Variants in TMEM132D observed in about 807,000 individuals in gnomAD.
TMEM132D encodes transmembrane protein 132D.
A neutral mutation model predicts 62.3 loss-of-function variants in TMEM132D; 21 were observed. The ratio of observed to expected loss-of-function variants is 0.34; its 90% CI spans 0.24 to 0.49. The LOEUF is 0.49. TMEM132D is among the 20% of genes least tolerant of loss of function. TMEM132D has a pLI of 0.99. For synonymous variants in TMEM132D, 621 were observed against 575.6 expected, an observed-to-expected ratio of 1.08 and a Z score of -1.13; for missense variants, 1,346 against 1,402.8, an observed-to-expected ratio of 0.96 and a Z score of 0.65.
intron 1 of TMEM132D, among the ~76,000 whole-genome samples, chr12:129,750,394 T>C (rs1869962534): frequency 6.6e-6 from 1 of 152,220 alleles, no homozygotes; most frequent in South Asian, 2.1e-4. Flanking sequence ...CAGATGCCCT[T>C]TATTATATGG....
chr12:129,158,986 C>G (rs1174096560), intron 5 of TMEM132D, among the ~76,000 whole-genome samples: 1 of 152,172 alleles, frequency 6.6e-6, no homozygotes, highest in Non-Finnish European at 1.5e-5. Context: ...TGCACTATCA[C>G]AAGAATGCAT....
At chr12:129,733,053 A>C (rs1565966068) in intron 1 of TMEM132D, among the ~76,000 whole-genome samples, 1 of 152,130 alleles carries the variant, frequency 6.6e-6, no homozygotes, top group East Asian at 1.9e-4. Flanking sequence ...TCTTGGTTTG[A>C]TGGGTCCTGA....
chr12:129,085,650 C>T (rs1231762783), intron 5 of TMEM132D: 1 of 137,816 alleles, frequency 7.3e-6, no homozygotes, highest in African/African-American at 2.5e-5. Flanking sequence ...GCACCACTGC[C>T]ATTCCCACAT....
chr12:129,800,650 C>G (rs773100020), intron 1 of TMEM132D, among the ~76,000 whole-genome samples: 8 of 152,142 alleles, frequency 5.3e-5, no homozygotes, highest in Non-Finnish European at 1.0e-4. Flanking sequence ...TGCTCCCAAA[C>G]GTCACTGCAG....
At chr12:129,441,569 T>C (rs1872937599) in intron 3 of TMEM132D, among the ~76,000 whole-genome samples, 1 of 152,038 alleles carries the variant, frequency 6.6e-6, no homozygotes, top group Non-Finnish European at 1.5e-5. Context: ...GAAGGAGAAA[T>C]AGCCTGACTT....
intron 3 of TMEM132D, among the ~76,000 whole-genome samples, chr12:129,481,434 GC>G (rs1448367571): frequency 8.9e-5 from 13 of 145,910 alleles, no homozygotes; most frequent in African/African-American, 3.1e-4. Context: ...CTGCACTCCA[GC>G]CCGGGTGACA....
At chr12:129,613,229 G>C (rs1036827826) in intron 2 of TMEM132D, among the ~76,000 whole-genome samples, 2 of 151,926 alleles carry the variant, frequency 1.3e-5, no homozygotes, top group Admixed American at 1.3e-4. Context: ...TTTTTTTTTA[G>C]AAAGCACCTG....
Position 129,081,953 on chromosome 12 carries a change from C to G in TMEM132D, c.1729G>C (p.Val577Leu), listed in dbSNP as rs770577561. 43 of 1,613,966 alleles carry G rather than the reference C, an allele frequency of 2.7e-5. No individual in the cohort carries two copies. The highest frequency in any genetic ancestry group is 3.5e-5 in the Non-Finnish European group (41 of 1,180,054). Residue 577 changes from valine (V) to leucine (L), a missense_variant, in exon 7 of 9, where the codon GTG becomes CTG. Coordinates refer to ENST00000422113, the MANE Select transcript of TMEM132D (RefSeq NM_133448.3). Reference protein sequence around the residue: ...GCTLQYQHAMVRVLTQFVAEA... With the variant: ...GCTLQYQHAMLRVLTQFVAEA... Reference sequence around the variant, plus strand: ...GCCACAAACTGCGTCAGGACCCGCACCATGGCGTGCTGGTACTGCAGGGTG... The same window carrying G: ...GCCACAAACTGCGTCAGGACCCGCAGCATGGCGTGCTGGTACTGCAGGGTG...
chr12:129,259,865 G>C (rs1041126534), intron 4 of TMEM132D, among the ~76,000 whole-genome samples: 2 of 152,184 alleles, frequency 1.3e-5, no homozygotes, highest in African/African-American at 2.4e-5. Flanking sequence ...AATTTGACTT[G>C]AGCAATGGGG....
chr12:129,604,441 G>T (rs565004631), intron 2 of TMEM132D, among the ~76,000 whole-genome samples: 1 of 152,222 alleles, frequency 6.6e-6, no homozygotes, highest in South Asian at 2.1e-4. Context: ...ATGAATAAAG[G>T]TGCTATAAAC....
intron 1 of TMEM132D, among the ~76,000 whole-genome samples, chr12:129,733,489 C>T (rs1869318659): frequency 6.6e-6 from 1 of 152,184 alleles, no homozygotes; most frequent in Admixed American, 6.5e-5. Flanking sequence ...AGCAATGCCA[C>T]CCCATACTGA....
intron 1 of TMEM132D, among the ~76,000 whole-genome samples, chr12:129,735,831 T>G (rs2137255474): frequency 6.6e-6 from 1 of 152,300 alleles, no homozygotes; most frequent in Non-Finnish European, 1.5e-5. Flanking sequence ...AATATGTGAC[T>G]TTGCAACCAT....
intron 2 of TMEM132D, among the ~76,000 whole-genome samples, chr12:129,598,941 C>T (rs575764338): frequency 3.3e-4 from 51 of 152,296 alleles, no homozygotes; most frequent in African/African-American, 1.2e-3. Context: ...TGCATTGTAA[C>T]TTGCTTAGAA....
At chr12:129,337,447 A>G (rs1027202081) in intron 4 of TMEM132D, among the ~76,000 whole-genome samples, 187 bp downstream of exon 4, 4 of 142,280 alleles carry the variant, frequency 2.8e-5, no homozygotes, top group African/African-American at 8.9e-5. Context: ...ACACGCACAC[A>G]CACACACACA....
intron 3 of TMEM132D, among the ~76,000 whole-genome samples, chr12:129,452,226 T>C (rs1473667392): frequency 6.6e-6 from 1 of 152,198 alleles, no homozygotes; most frequent in African/African-American, 2.4e-5. Flanking sequence ...TAATAGCGCC[T>C]GTCTTGGAAA....
intron 5 of TMEM132D, among the ~76,000 whole-genome samples, chr12:129,144,671 A>G (rs1876837493): frequency 7.4e-6 from 1 of 135,724 alleles, no homozygotes; most frequent in Non-Finnish European, 1.6e-5. Flanking sequence ...TGACCTATCT[A>G]TTGAGCTTAT....
At chr12:129,084,970 G>T (rs1279570495) in intron 5 of TMEM132D, 2 of 535,730 alleles carry the variant, frequency 3.7e-6, no homozygotes, top group African/African-American at 1.9e-5. Context: ...CCCAGGGGCT[G>T]CGTGTGTTGC....
intron 3 of TMEM132D, among the ~76,000 whole-genome samples, chr12:129,488,301 C>CT (rs1874652043): frequency 6.6e-6 from 1 of 152,208 alleles, no homozygotes; most frequent in South Asian, 2.1e-4. Flanking sequence ...GGTTTGTCTC[C>CT]TGGCACCAGC....
At chr12:129,888,774 C>A (rs904450019) in intron 1 of TMEM132D, among the ~76,000 whole-genome samples, 1 of 152,206 alleles carries the variant, frequency 6.6e-6, no homozygotes, top group African/African-American at 2.4e-5. Context: ...CCACTACCTT[C>A]TCTTTGGTAA....
Sources: gnomAD v4.1 joint callset for allele counts (sites outside exome capture counted in the v4.1 genomes callset) on GRCh38, gnomAD v4.1.1 for gene constraint, MANE v1.5 for transcripts, NCBI Gene and HGNC (gene_info 2026-07-23, HGNC 2026-07-21) for gene names.